Variants in ZYG11B observed in about 807,000 individuals in gnomAD.
ZYG11B encodes protein zyg-11 homolog B.
Under a neutral mutation model 82.4 loss-of-function variants are expected in ZYG11B, and 36 were observed. The ratio of observed to expected loss-of-function variants is 0.44; its 90% CI spans 0.33 to 0.58. The LOEUF (loss-of-function observed/expected upper bound fraction) is 0.58. Among genes scored for constraint, ZYG11B ranks in the 20% least tolerant of loss-of-function variants. The pLI, the probability that ZYG11B is intolerant of heterozygous loss-of-function variation, is 0.02. For missense variants in ZYG11B, 552 were observed against 895.6 expected, an observed-to-expected ratio of 0.62 and a Z score of 4.90; for synonymous variants, 303 against 312.8, an observed-to-expected ratio of 0.97 and a Z score of 0.33.
chr1:52,767,153 A>G (rs1208001572), intron 2 of ZYG11B, among the ~76,000 whole-genome samples: 2 of 115,216 alleles, frequency 1.7e-5, no homozygotes, highest in East Asian at 6.3e-4. Context: ...TTGTTTTGTT[A>G]TTTTATTTTA....
chr1:52,785,926 TG>T (rs1470783630), intron 5 of ZYG11B, among the ~76,000 whole-genome samples: 1 of 152,162 alleles, frequency 6.6e-6, no homozygotes, highest in Non-Finnish European at 1.5e-5. Context: ...TTGATTTTCG[TG>T]GCCTCTGGAA....
chr1:52,818,608 T>C (rs1645254833), intron 13 of ZYG11B, among the ~76,000 whole-genome samples: 1 of 152,120 alleles, frequency 6.6e-6, no homozygotes, highest in South Asian at 2.1e-4. Flanking sequence ...AAACATTCCA[T>C]ATCCTTGTCA....
At position 52,771,538 on chromosome 1, in the gene ZYG11B, C is replaced by A. The variant is rs529378556; in HGVS notation, c.715C>A (p.Leu239Met). The A allele has an allele frequency of 6.2e-7, 1 of 1,614,092 alleles. No individual in the cohort carries two copies. Among genetic ancestry groups the A allele is most frequent in the East Asian group, 2.2e-5 (1 of 44,884 alleles). Reference sequence around the variant, plus strand: ...GGATGTAGTTCGGGAACTCAAACATCTGAATCATCTTGATATCTCAGATGA... The same window carrying A: ...GGATGTAGTTCGGGAACTCAAACATATGAATCATCTTGATATCTCAGATGA... Reference protein sequence around the residue: ...ILDVVRELKHLNHLDISDDKQ... With the variant: ...ILDVVRELKHMNHLDISDDKQ... The change falls in exon 3 of 14, where the codon CTG becomes ATG. Residue 239 changes from leucine to methionine, a missense_variant. Coordinates refer to ENST00000294353, the MANE Select transcript of ZYG11B (RefSeq NM_024646.3). The surrounding 1 kb of genome is among the most constrained non-coding windows in gnomAD (Gnocchi z 5.4).
rs757271087 is a variant in ZYG11B, at chr1:52,771,532, A to C, written c.709A>C (p.Lys237Gln). ...GATACTGGATGTAGTTCGGGAACTC[A>C]AACATCTGAATCATCTTGATATCTC... ...TQILDVVREL[K>Q]HLNHLDISDD... Residue 237 changes from lysine (K) to glutamine (Q), a missense_variant, in exon 3 of 14, where the codon AAA becomes CAA. This residue lies in a region of ZYG11B where 359 missense variants were observed against 555.8 expected (regional missense o/e 0.65). Transcript: ENST00000294353. The surrounding 1 kb of genome is among the most constrained non-coding windows in gnomAD (Gnocchi z 5.4). The C allele has an allele frequency of 3.0e-5, 48 of 1,613,978 alleles. No individual in the cohort carries two copies. In the South Asian group the frequency reaches 4.7e-4, roughly 16 times the overall value.
At chr1:52,818,951 G>C (rs1360642762) in intron 13 of ZYG11B, among the ~76,000 whole-genome samples, 1 of 151,920 alleles carries the variant, frequency 6.6e-6, no homozygotes, top group Non-Finnish European at 1.5e-5. Context: ...ACGCCACCAT[G>C]CCCAGCTAAT....
intron 1 of ZYG11B, among the ~76,000 whole-genome samples, chr1:52,742,715 G>C (rs1334769704): frequency 6.6e-6 from 1 of 151,856 alleles, no homozygotes; most frequent in Non-Finnish European, 1.5e-5. Flanking sequence ...GGTTGCAGGC[G>C]CCTGTAGTCC....
chr1:52,776,044 C>T (rs1053509193), intron 3 of ZYG11B, among the ~76,000 whole-genome samples: 4 of 146,398 alleles, frequency 2.7e-5, no homozygotes, highest in African/African-American at 1.0e-4. Context: ...GGAGAAACCC[C>T]GCCTCTACTA....
intron 1 of ZYG11B, among the ~76,000 whole-genome samples, chr1:52,732,923 C>T (rs1386949586): frequency 2.0e-5 from 3 of 151,992 alleles, no homozygotes; most frequent in Admixed American, 2.0e-4. Flanking sequence ...TTGCAGTAAG[C>T]TGAGATCGAG....
At chr1:52,808,424 C>G (rs911307741) in intron 10 of ZYG11B, among the ~76,000 whole-genome samples, 2 of 152,092 alleles carry the variant, frequency 1.3e-5, no homozygotes, top group African/African-American at 4.8e-5. Context: ...TTATATGTGT[C>G]TTGATGTAAT....
intron 2 of ZYG11B, among the ~76,000 whole-genome samples, chr1:52,762,694 C>G (rs1341882325): frequency 6.6e-6 from 1 of 152,072 alleles, no homozygotes; most frequent in Admixed American, 6.6e-5. Flanking sequence ...GATTCTCCTG[C>G]CTCAGCCTCC....
Position 52,803,087 on chromosome 1 carries a change from C to CACATATATATATATAT in ZYG11B, c.1695+949_1695+950insCATATATATATATATA, listed in dbSNP as rs1471683117. Among the ~76,000 whole-genome samples, 127 of 22,538 alleles carry CACATATATATATATAT rather than the reference C, an allele frequency of 5.6e-3. 5 individuals carry two copies. Among genetic ancestry groups the CACATATATATATATAT allele is most frequent in the Non-Finnish European group, 9.9e-3 (94 of 9,536 alleles). The allele number at this position is 22,538 out of a possible 152,430, so 14.8% of individuals were successfully genotyped here. A position where few individuals can be genotyped will look rare whatever the true frequency, so the allele number is the denominator to read the frequency against. On this transcript the variant is annotated intron_variant, in intron 10 of 13. Coordinates refer to ENST00000294353, the MANE Select transcript of ZYG11B (RefSeq NM_024646.3). ...TTGCCACTATATATATATATATACA[C>CACATATATATATATAT]ATATATATATACATATATATATATA...
chr1:52,747,032 T>C (rs1644483697), intron 1 of ZYG11B, among the ~76,000 whole-genome samples: 1 of 151,802 alleles, frequency 6.6e-6, no homozygotes, highest in Non-Finnish European at 1.5e-5. Context: ...TGAACTTGGG[T>C]ACATTATTAT....
intron 1 of ZYG11B, among the ~76,000 whole-genome samples, chr1:52,742,953 C>T (rs1168166263): frequency 6.7e-6 from 1 of 150,224 alleles, no homozygotes; most frequent in African/African-American, 2.5e-5. Flanking sequence ...AGCCCCCGCC[C>T]GGCCAGCCGC....
intron 2 of ZYG11B, among the ~76,000 whole-genome samples, chr1:52,757,397 C>A (rs769932344): frequency 4.0e-5 from 6 of 151,512 alleles, no homozygotes; most frequent in Admixed American, 1.3e-4. Flanking sequence ...TACATCGGGC[C>A]GGGCGTGGTG....
chr1:52,759,838 AT>A (rs1644612428), intron 2 of ZYG11B, among the ~76,000 whole-genome samples: 1 of 151,912 alleles, frequency 6.6e-6, no homozygotes, highest in Admixed American at 6.6e-5. Flanking sequence ...TGCTGTTACT[AT>A]TTTTTCCTTG....
intron 13 of ZYG11B, among the ~76,000 whole-genome samples, chr1:52,817,862 G>C (rs1645249462): frequency 1.3e-5 from 1 of 75,178 alleles, no homozygotes; most frequent in South Asian, 5.5e-4. Flanking sequence ...TTTTGAGATG[G>C]AGTCTCACTT....
intron 10 of ZYG11B, 129 bp from the exon 11 acceptor site, chr1:52,813,407 A>T: frequency 1.4e-6 from 1 of 700,776 alleles, no homozygotes; most frequent in Non-Finnish European, 2.3e-6. Flanking sequence ...TCATTTGAAT[A>T]CTTTCTCTCA....
intron 6 of ZYG11B, among the ~76,000 whole-genome samples, chr1:52,792,221 T>TGATG (rs1644965394): frequency 6.6e-6 from 1 of 152,112 alleles, no homozygotes; most frequent in Non-Finnish European, 1.5e-5. Context: ...GTGGATTGAT[T>TGATG]GATGGATGAA....
chr1:52,756,758 A>G (rs1296074342), intron 2 of ZYG11B, 135 bp downstream of exon 2: 1 of 711,576 alleles, frequency 1.4e-6, no homozygotes, highest in Non-Finnish European at 2.2e-6. Flanking sequence ...AGGACTATGA[A>G]TTCATTTATT....
Sources: allele counts gnomAD v4.1 joint callset (sites outside exome capture counted in the v4.1 genomes callset), GRCh38; gene constraint gnomAD v4.1.1; regional missense constraint gnomAD v4.1.1; non-coding constraint Gnocchi (gnomAD v3.1); transcripts MANE v1.5; gene names NCBI Gene and HGNC (gene_info 2026-07-23, HGNC 2026-07-21).